OSBPL5: variants seen among roughly 807,000 people sequenced by gnomAD.
The protein encoded by OSBPL5 is oxysterol binding protein like 5, also known as oxysterol-binding protein-related protein 5.
OSBPL5 carries 71 observed loss-of-function variants against 111.2 expected under a neutral mutation model. The observed-to-expected ratio is 0.64, with a 90% CI of 0.53 to 0.78. The LOEUF is 0.78. Among genes scored for constraint, OSBPL5 ranks in the 30% least tolerant of loss-of-function variants. The pLI is 0.00. For missense variants in OSBPL5, 1,210 were observed against 1,189.3 expected (o/e 1.02, Z -0.26); for synonymous variants, 549 against 513.9 (o/e 1.07, Z -0.93).
chr11:3,159,404 C>T (rs901011901), intron 1 of OSBPL5, among the ~76,000 whole-genome samples: 1 of 152,188 alleles, frequency 6.6e-6, no homozygotes, highest in Non-Finnish European at 1.5e-5. Context: ...GTGTGCAGGC[C>T]AGACACTAAG....
intron 6 of OSBPL5, 37 bp from the exon 7 acceptor site, chr11:3,119,668 C>T (rs757394995): frequency 1.3e-6 from 2 of 1,559,436 alleles, no homozygotes; most frequent in South Asian, 1.2e-5. Context: ...CCCGAGGCAA[C>T]ACCCAGGGCC....
At chr11:3,145,258 C>G (rs1211175733) in intron 1 of OSBPL5, among the ~76,000 whole-genome samples, 3 of 152,232 alleles carry the variant, frequency 2.0e-5, no homozygotes, top group Non-Finnish European at 4.4e-5. Context: ...TGATGAACCT[C>G]CCCCAGGGCT....
In OSBPL5 at chr11:3,104,513, G is replaced by T; in HGVS notation, c.1060-136C>A. 1.2e-6 allele frequency: 1 copy of T among 864,814 alleles called. No individual in the cohort carries two copies. Among genetic ancestry groups the T allele is most frequent in the Non-Finnish European group, 1.7e-6 (1 of 581,378 alleles). 53.6% of individuals were successfully genotyped at this position (864,814 alleles called of 1,614,324 possible). On this transcript the variant is annotated intron_variant, in intron 9 of 21. Coordinates refer to ENST00000263650, the MANE Select transcript of OSBPL5 (RefSeq NM_020896.4). The surrounding 1 kb of genome is among the most constrained non-coding windows in gnomAD (Gnocchi z 5.0). ...GTAAACCCCTGACCTGGCCTCCATG[G>T]CCTCATGAGGCTGACTCAGCCCCAT...
In OSBPL5 at chr11:3,140,285, G is replaced by A. The variant is rs1846068330; in HGVS notation, c.-21-11116C>T. 6.6e-6 allele frequency among the ~76,000 whole-genome samples: 1 copy of A among 152,218 alleles called. No individual in the cohort carries two copies. ...AGCCCACAGCAATGCTCTCTGTGAAGGGCCAGCATGGTGCCACCCAGGAGT... is the reference window on the plus strand; with the variant it reads ...AGCCCACAGCAATGCTCTCTGTGAAAGGCCAGCATGGTGCCACCCAGGAGT... On this transcript the variant is annotated intron_variant, in intron 1 of 21. Coordinates refer to ENST00000263650, the MANE Select transcript of OSBPL5 (RefSeq NM_020896.4). The surrounding 1 kb of genome is among the most constrained non-coding windows in gnomAD (Gnocchi z 4.5).
Position 3,106,431 on chromosome 11 carries a change from C to G in OSBPL5, c.1059+832G>C, listed in dbSNP as rs1287768495. ...CCAGAGCGCAGCCCCCACCCCAGAG[C>G]CCGGCTTCCTCAGCCTGCACCCGTC... On this transcript the variant is annotated intron_variant, in intron 9 of 21. Transcript: ENST00000263650. The surrounding 1 kb of genome is among the most constrained non-coding windows in gnomAD (Gnocchi z 8.4). Among the ~76,000 whole-genome samples the G allele has an allele frequency of 6.6e-6, 1 of 151,812 alleles. No homozygotes were observed. Among genetic ancestry groups the G allele is most frequent in the Non-Finnish European group, 1.5e-5 (1 of 67,942 alleles).
chr11:3,094,526 CTGGTGGGGGTG>C, intron 14 of OSBPL5, 192 bp from the exon 15 acceptor site: 1 of 568,110 alleles, frequency 1.8e-6, no homozygotes, highest in Non-Finnish European at 3.1e-6. Flanking sequence ...CAGGGAGAGG[CTGGTGGGGGTG>C]CGGAGCCTGG....
At chr11:3,138,010 C>A (rs941971912) in intron 1 of OSBPL5, among the ~76,000 whole-genome samples, 1 of 152,196 alleles carries the variant, frequency 6.6e-6, no homozygotes, top group African/African-American at 2.4e-5. Flanking sequence ...GTGGTTGAAC[C>A]TCAAGAGGGG....
chr11:3,093,047 C>T lies in OSBPL5; in HGVS notation c.1952G>A (p.Trp651Ter). The change falls in exon 18 of 22, where the codon TGG becomes TAG. Residue 651 changes from tryptophan to a stop codon, truncating the protein, a stop_gained. Coordinates refer to ENST00000263650, the MANE Select transcript of OSBPL5 (RefSeq NM_020896.4). LOFTEE classifies it high-confidence loss of function. Reference protein sequence around the residue: ...EQTELESERLWQHVTRAISKG... With the variant: ...EQTELESERL ...GCTGATGGCCCTGGTGACGTGCTGC[C>T]AGAGCCTGCGGGCCAGTGACCCATC... The T allele has an allele frequency of 6.3e-7, 1 of 1,577,704 alleles. No individual in the cohort carries two copies. Among genetic ancestry groups the T allele is most frequent in the East Asian group, 2.3e-5 (1 of 44,016 alleles).
rs753513057 is a variant in OSBPL5 at position 3,109,328 on chromosome 11, G to A, written c.692-1383C>T. On this transcript the variant is annotated intron_variant, in intron 7 of 21. Coordinates refer to ENST00000263650, the MANE Select transcript of OSBPL5 (RefSeq NM_020896.4). The surrounding 1 kb of genome is among the most constrained non-coding windows in gnomAD (Gnocchi z 7.4). ...CTCTGGGCCTCAAGTGATCTGCGTC[G>A]GCCTCCCAAAGTGCTGGGATTACAG... 2.6e-5 allele frequency among the ~76,000 whole-genome samples: 4 copies of A among 151,940 alleles called. No homozygotes were observed. Among genetic ancestry groups the A allele is most frequent in the Admixed American group, 1.3e-4 (2 of 15,250 alleles).
intron 7 of OSBPL5, among the ~76,000 whole-genome samples, chr11:3,111,124 C>T (rs1857909290): frequency 6.6e-6 from 1 of 152,108 alleles, no homozygotes; most frequent in Non-Finnish European, 1.5e-5. Context: ...TTTGCTGAGG[C>T]CTGGAAGCAC....
intron 1 of OSBPL5, among the ~76,000 whole-genome samples, chr11:3,131,522 CCCATTCATCCATCCATCCATCCAT>C (rs1252850332): frequency 7.1e-6 from 1 of 140,838 alleles, no homozygotes; most frequent in Non-Finnish European, 1.5e-5. Context: ...CATCCATCCA[CCCATTCATCCATCCATCCATCCAT>C]CCACCCACCC....
In OSBPL5 at chr11:3,121,816, AG is replaced by A. The variant is rs1858426758; in HGVS notation, c.402+180del. The A allele has an allele frequency of 1.6e-6, 1 of 611,070 alleles. No individual in the cohort carries two copies. The highest frequency in any genetic ancestry group is 2.0e-5 in the South Asian group (1 of 50,634). The allele number at this position is 611,070 out of a possible 1,614,324, so 37.9% of individuals were successfully genotyped here. On this transcript the variant is annotated intron_variant, in intron 5 of 21. Transcript: ENST00000263650. This position sits in a 1 kb window ranked among gnomAD's most constrained non-coding sequence, Gnocchi z 4.3. ...TCCTACCACTGGTGTCCTTATAAAA[AG>A]GGGGAGAGACAGGTGGATAAGGAAA...
At chr11:3,150,884 C>A (rs1389353530) in intron 1 of OSBPL5, among the ~76,000 whole-genome samples, 2 of 152,226 alleles carry the variant, frequency 1.3e-5, no homozygotes, top group African/African-American at 2.4e-5. Flanking sequence ...AGGTTCCGAT[C>A]CTAGTCCGTC....
chr11:3,128,306 G>C (rs1344113814), intron 2 of OSBPL5, among the ~76,000 whole-genome samples: 1 of 152,200 alleles, frequency 6.6e-6, no homozygotes, highest in Admixed American at 6.5e-5. Context: ...GAGGAGAGGG[G>C]GCAGAGCTGG....
At chr11:3,111,995 ATG>A (rs74184684) in intron 7 of OSBPL5, among the ~76,000 whole-genome samples, 53,375 of 145,204 alleles carry the variant, frequency 0.37, 11,506 homozygotes, top group East Asian at 0.79. Context: ...ATGTGTGTGC[ATG>A]TGTGTGTGTG....
rs368035550 is a variant in OSBPL5, at chr11:3,101,600, C to A, written c.1522+3G>T. 1 of 1,612,816 alleles carries A rather than the reference C, an allele frequency of 6.2e-7. No individual in the cohort carries two copies. The highest frequency in any genetic ancestry group is 8.5e-7 in the Non-Finnish European group (1 of 1,179,246). On this transcript the variant is annotated splice_donor_region_variant and intron_variant, in intron 13 of 21. Transcript: ENST00000263650. The stretch of plus-strand genomic sequence containing the variant: ...CAGGGAGCGCCCAGGGTGACCCCCT[C>A]ACCATAAAACCTGGACTTGGCTGTG...
intron 3 of OSBPL5, among the ~76,000 whole-genome samples, chr11:3,123,451 G>A (rs1041097619): frequency 3.9e-5 from 6 of 152,256 alleles, no homozygotes; most frequent in Admixed American, 2.6e-4. Context: ...ATGGCCAGGC[G>A]ATCCGGCAGG....
chr11:3,129,825 A>C (rs1016320030), intron 1 of OSBPL5, among the ~76,000 whole-genome samples: 1 of 152,202 alleles, frequency 6.6e-6, no homozygotes, highest in African/African-American at 2.4e-5. Flanking sequence ...GTCCACGCCC[A>C]GCCCAAGACG....
rs371437453 is a variant in OSBPL5, at chr11:3,119,562, C to T, written c.676G>A (p.Ala226Thr). Residue 226 changes from alanine (A) to threonine (T), a missense_variant, in exon 7 of 22, where the codon GCC becomes ACC. Ala to Thr is a moderately conservative substitution (Grantham distance 58). Coordinates refer to ENST00000263650, the MANE Select transcript of OSBPL5 (RefSeq NM_020896.4). Reference sequence around the variant, plus strand: ...AGGGACTCACCATCTGACTCGGAGGCGGCCCTGAAGATCAGGTAGCTGCTG... The same window carrying T: ...AGGGACTCACCATCTGACTCGGAGGTGGCCCTGAAGATCAGGTAGCTGCTG... ...LPSSYLIFRA[A>T]SESDGRCWLD... 4.6e-5 allele frequency: 73 copies of T among 1,576,686 alleles called. No individual in the cohort carries two copies. The Middle Eastern group carries it at 5.0e-4, about 11-fold the overall frequency.
Sources: allele counts gnomAD v4.1 joint callset (sites outside exome capture counted in the v4.1 genomes callset), GRCh38; gene constraint gnomAD v4.1.1; non-coding constraint Gnocchi (gnomAD v3.1); transcripts MANE v1.5; gene names NCBI Gene and HGNC (gene_info 2026-07-23, HGNC 2026-07-21).